CDK13: variants seen among roughly 807,000 people sequenced by gnomAD.
CDK13 encodes the protein cyclin-dependent kinase 13.
A neutral mutation model predicts 137.6 loss-of-function variants in CDK13; 40 were observed. The observed-to-expected ratio is 0.29, with a 90% CI of 0.23 to 0.38. CDK13 has a LOEUF of 0.38. Ranked by LOEUF, CDK13 falls within the 10% of genes least tolerant of loss-of-function variation. The pLI, the probability that CDK13 is intolerant of heterozygous loss-of-function variation, is 1.00. For synonymous variants in CDK13, 869 were observed against 760.1 expected (o/e 1.14, Z -2.36); for missense variants, 1,704 against 1,951.8 (o/e 0.87, Z 2.39).
chr7:39,951,944 C>T (rs1787234812), intron 1 of CDK13, 92 bp downstream of exon 1: 8 of 1,243,650 alleles, frequency 6.4e-6, no homozygotes, highest in Non-Finnish European at 8.1e-6. Flanking sequence ...CTCAGAACGA[C>T]TCAGGTCCAC....
chr7:40,069,438 C>A, intron 9 of CDK13: 2 of 375,040 alleles, frequency 5.3e-6, no homozygotes, highest in Non-Finnish European at 1.1e-5. Flanking sequence ...ACTTCCTGCG[C>A]TTATGGTTTA....
At chr7:40,024,413 C>G (rs897620828) in intron 5 of CDK13, among the ~76,000 whole-genome samples, 1 of 152,194 alleles carries the variant, frequency 6.6e-6, no homozygotes, top group Non-Finnish European at 1.5e-5. Context: ...TTTCTCGCCA[C>G]TTTATAAAGA....
chr7:40,088,594 T>C (rs766009971), intron 12 of CDK13, among the ~76,000 whole-genome samples: 2 of 152,158 alleles, frequency 1.3e-5, no homozygotes, highest in Non-Finnish European at 2.9e-5. Context: ...TTACTCTTAG[T>C]GCAGGAGTGA....
chr7:39,951,063 C>T lies in CDK13; in HGVS notation c.422C>T (p.Thr141Ile). 2.3e-6 allele frequency: 3 copies of T among 1,277,150 alleles called. No individual in the cohort carries two copies. Among genetic ancestry groups the T allele is most frequent in the Non-Finnish European group, 3.0e-6 (3 of 1,013,770 alleles). 79.1% of individuals were successfully genotyped at this position (1,277,150 alleles called of 1,614,324 possible). A position where few individuals can be genotyped will look rare whatever the true frequency, so the allele number is the denominator to read the frequency against. ...GGGASSGGGV[T>I]PLVEYEDVSS... Reference sequence around the variant, plus strand: ...GGTGCTAGTAGCGGCGGGGGTGTGACCCCGCTGGTGGAATACGAGGATGTG... The same window carrying T: ...GGTGCTAGTAGCGGCGGGGGTGTGATCCCGCTGGTGGAATACGAGGATGTG... The change falls in exon 1 of 14, where the codon ACC becomes ATC. Residue 141 changes from threonine (T) to isoleucine (I), a missense_variant. Coordinates refer to ENST00000181839, the MANE Select transcript of CDK13 (RefSeq NM_003718.5).
At chr7:39,983,238 G>T (rs567302618) in intron 1 of CDK13, among the ~76,000 whole-genome samples, 142 of 152,150 alleles carry the variant, frequency 9.3e-4, no homozygotes, top group African/African-American at 3.3e-3. Context: ...TTCTACATAT[G>T]GCTAGCCAGT....
In CDK13 at chr7:39,950,446, A is replaced by T; in HGVS notation, c.-196A>T. ...GGATTCCTGCTTCCCTGGGGCCCGG[A>T]GGCTGCTGCGTACCCCACTGTGACC... On this transcript the variant is annotated 5_prime_UTR_variant, in exon 1 of 14. Transcript: ENST00000181839. 8.1e-7 allele frequency: 1 copy of T among 1,235,498 alleles called. No individual in the cohort carries two copies. The highest frequency in any genetic ancestry group is 3.2e-5 in the East Asian group (1 of 31,578). 76.5% of individuals were successfully genotyped at this position (1,235,498 alleles called of 1,614,324 possible).
chr7:39,991,176 A>G (rs1784447650), intron 2 of CDK13, among the ~76,000 whole-genome samples: 2 of 152,298 alleles, frequency 1.3e-5, no homozygotes, highest in East Asian at 3.9e-4. Context: ...TTTAGTAACC[A>G]TTGTATACTT....
rs70996865 is a variant in CDK13, at chr7:39,957,090, CGTGTGTGT to C, written c.1211+5273_1211+5280del. Among the ~76,000 whole-genome samples, 674 of 141,000 alleles carry C rather than the reference CGTGTGTGT, an allele frequency of 4.8e-3. 3 individuals are homozygous for C. The highest frequency in any genetic ancestry group is 0.014 in the African/African-American group (528 of 37,502). 92.5% of individuals were successfully genotyped at this position (141,000 alleles called of 152,430 possible). A position where few individuals can be genotyped will look rare whatever the true frequency, so the allele number is the denominator to read the frequency against. ...AAACTCAGCTCAAAAATCCCACTGT[CGTGTGTGT>C]GTGTGTGTGTGTGTGTGTGTGTGTG... is the stretch of plus-strand genomic sequence containing the variant. On this transcript the variant is annotated intron_variant, in intron 1 of 13. Transcript: ENST00000181839.
chr7:40,078,708 C>G lies in CDK13; in HGVS notation c.2898-12C>G. On this transcript the variant is annotated splice_polypyrimidine_tract_variant and intron_variant, in intron 10 of 13. Coordinates refer to ENST00000181839, the MANE Select transcript of CDK13 (RefSeq NM_003718.5). ...AAGAACACATCTAACTTTTGTAATC[C>G]TCTCATGCTAGTATTCCTGCAGCTG... 6.9e-7 allele frequency: 1 copy of G among 1,456,740 alleles called. No individual in the cohort carries two copies. The highest frequency in any genetic ancestry group is 1.6e-5 in the South Asian group (1 of 63,116). The allele number at this position is 1,456,740 out of a possible 1,614,324, so 90.2% of individuals were successfully genotyped here. A position where few individuals can be genotyped will look rare whatever the true frequency, so the allele number is the denominator to read the frequency against.
chr7:40,012,986 A>G (rs537335726), intron 5 of CDK13, among the ~76,000 whole-genome samples: 2 of 152,098 alleles, frequency 1.3e-5, no homozygotes, highest in Non-Finnish European at 2.9e-5. Flanking sequence ...CATTATTCAC[A>G]GTAGCCGCAA....
intron 1 of CDK13, among the ~76,000 whole-genome samples, chr7:39,964,504 TTCTC>T (rs70996867): frequency 0.26 from 40,116 of 151,436 alleles, 6,405 homozygotes; most frequent in Middle Eastern, 0.44. Flanking sequence ...TATTTGATTC[TTCTC>T]TCTTTTTTCT....
At chr7:40,074,472 G>A (rs1395662378) in intron 9 of CDK13, among the ~76,000 whole-genome samples, 12 of 145,822 alleles carry the variant, frequency 8.2e-5, no homozygotes, top group African/African-American at 2.9e-4. Context: ...GCAGTGAGCC[G>A]AGATGGTGCC....
intron 11 of CDK13, among the ~76,000 whole-genome samples, chr7:40,083,814 TAA>T (rs1786723668): frequency 6.6e-6 from 1 of 152,172 alleles, no homozygotes; most frequent in African/African-American, 2.4e-5. Context: ...AGCAATCAAG[TAA>T]AGAGTATCAG....
At chr7:39,999,544 A>G (rs759000160) in intron 4 of CDK13, 44 bp downstream of exon 4, 3 of 1,533,774 alleles carry the variant, frequency 2.0e-6, no homozygotes, top group Non-Finnish European at 1.8e-6. Context: ...TACGGAATGT[A>G]CTTAGTTTGT....
intron 11 of CDK13, among the ~76,000 whole-genome samples, chr7:40,079,070 T>C (rs1786607794): frequency 6.6e-6 from 1 of 152,118 alleles, no homozygotes; most frequent in African/African-American, 2.4e-5. Flanking sequence ...AGCTGCCTTC[T>C]AGCTAATTTT....
chr7:40,061,106 G>A (rs1257572449), intron 7 of CDK13: 1 of 151,236 alleles, frequency 6.6e-6, no homozygotes, highest in Non-Finnish European at 1.5e-5. Context: ...AGCATAAAGA[G>A]GTGAGCATAA....
chr7:40,041,999 G>GT (rs1156278038), intron 5 of CDK13, among the ~76,000 whole-genome samples: 1 of 152,054 alleles, frequency 6.6e-6, no homozygotes, highest in African/African-American at 2.4e-5. Flanking sequence ...TTTTTCGTGT[G>GT]TTTTTTGGAC....
chr7:39,987,404 C>A (rs1784362378), intron 1 of CDK13, among the ~76,000 whole-genome samples, 195 bp from the exon 2 acceptor site: 1 of 152,156 alleles, frequency 6.6e-6, no homozygotes, highest in Admixed American at 6.5e-5. Context: ...CAGGGCAATC[C>A]ATTTTGAAGA....
chr7:40,025,067 A>T (rs1384273076), intron 5 of CDK13, among the ~76,000 whole-genome samples: 1 of 152,104 alleles, frequency 6.6e-6, no homozygotes, highest in Non-Finnish European at 1.5e-5. Context: ...TAGGTATCTC[A>T]ATGTTCATAT....
Sources: gnomAD v4.1 joint callset for allele counts (sites outside exome capture counted in the v4.1 genomes callset) on GRCh38, gnomAD v4.1.1 for gene constraint, MANE v1.5 for transcripts, NCBI Gene and HGNC (gene_info 2026-07-23, HGNC 2026-07-21) for gene names.